The following APPBP2 variants were observed in gnomAD, a reference collection of about 807,000 sequenced individuals.
The protein encoded by APPBP2 is amyloid beta precursor protein binding protein 2.
Under a neutral mutation model 76.0 loss-of-function variants are expected in APPBP2, and 15 were observed. The ratio of observed to expected loss-of-function variants is 0.20; its 90% CI spans 0.13 to 0.30. The LOEUF (loss-of-function observed/expected upper bound fraction) is 0.30. Ranked by LOEUF, APPBP2 falls within the 10% of genes least tolerant of loss-of-function variation. The probability of loss-of-function intolerance (pLI) is 1.00; values close to 1 mark genes in which losing one functional copy is unlikely to be tolerated. For missense variants in APPBP2, 401 were observed against 687.2 expected (o/e 0.58, Z 4.66); for synonymous variants, 222 against 242.2 (o/e 0.92, Z 0.77).
chr17:60,472,757 C>G (rs2090562943), intron 4 of APPBP2, among the ~76,000 whole-genome samples: 1 of 152,176 alleles, frequency 6.6e-6, no homozygotes, highest in African/African-American at 2.4e-5. Context: ...TTAATAACCT[C>G]TATATATTCA....
intron 4 of APPBP2, among the ~76,000 whole-genome samples, chr17:60,473,266 T>C (rs1000494971): frequency 1.3e-5 from 2 of 152,194 alleles, no homozygotes; most frequent in African/African-American, 4.8e-5. Flanking sequence ...ACACAAGGCA[T>C]CAAATGCCCA....
intron 3 of APPBP2, among the ~76,000 whole-genome samples, chr17:60,483,778 C>G (rs565897519): frequency 5.3e-4 from 80 of 152,224 alleles, no homozygotes; most frequent in African/African-American, 1.9e-3. Flanking sequence ...CATTGCTTTT[C>G]GTGTTTTAGA....
At chr17:60,478,713 G>C (rs2090608353) in intron 4 of APPBP2, among the ~76,000 whole-genome samples, 1 of 152,210 alleles carries the variant, frequency 6.6e-6, no homozygotes, top group Non-Finnish European at 1.5e-5. Context: ...CCTGAAGTCA[G>C]GAGTTCGAGA....
chr17:60,475,648 TACACACACACACACACACAC>T (rs72415327), intron 4 of APPBP2, among the ~76,000 whole-genome samples: 2 of 129,264 alleles, frequency 1.5e-5, no homozygotes, highest in African/African-American at 3.0e-5. Flanking sequence ...CAACTCTTTA[TACACACACACACACACACAC>T]ACACACACAC....
chr17:60,515,441 A>G lies in APPBP2; in HGVS notation c.138+10353T>C, dbSNP rs1230977537. ...TATTTTAACATTTTTAAATCAAAGT[A>G]TAACATGCATACAGAAGAGCGCACA... On this transcript the variant is annotated intron_variant, in intron 1 of 12. Transcript: ENST00000083182. 2.0e-5 allele frequency among the ~76,000 whole-genome samples: 3 copies of G among 152,152 alleles called. No individual in the cohort carries two copies. The East Asian group carries it at 5.8e-4, about 29-fold the overall frequency.
At chr17:60,459,101 G>C (rs1270825078) in intron 9 of APPBP2, among the ~76,000 whole-genome samples, 1 of 151,978 alleles carries the variant, frequency 6.6e-6, no homozygotes, top group Admixed American at 6.5e-5. Flanking sequence ...AAAGTTTTCA[G>C]GATTCTAATC....
chr17:60,522,474 C>T (rs1044852599), intron 1 of APPBP2, among the ~76,000 whole-genome samples: 1 of 152,120 alleles, frequency 6.6e-6, no homozygotes, highest in Non-Finnish European at 1.5e-5. Flanking sequence ...CAGGCATGCA[C>T]CACCATGCCT....
chr17:60,448,982 A>G lies in APPBP2; in HGVS notation c.1505-1148T>C, dbSNP rs569840586. Reference sequence around the variant, plus strand: ...AAGATGGATGGGGCAACAATTTAACATGTTAAATAAACCTAATTGTTGTGC... The same window carrying G: ...AAGATGGATGGGGCAACAATTTAACGTGTTAAATAAACCTAATTGTTGTGC... On this transcript the variant is annotated intron_variant, in intron 12 of 12. Transcript: ENST00000083182. 9.2e-5 allele frequency among the ~76,000 whole-genome samples: 14 copies of G among 152,364 alleles called. No homozygotes were observed. In the South Asian group the frequency reaches 1.7e-3, roughly 18 times the overall value.
chr17:60,470,600 A>G (rs1043301379), intron 4 of APPBP2, among the ~76,000 whole-genome samples: 1 of 151,444 alleles, frequency 6.6e-6, no homozygotes, highest in African/African-American at 2.4e-5. Flanking sequence ...AATTTTTAAC[A>G]GAGTTTCGCT....
chr17:60,458,771 T>G lies in APPBP2; in HGVS notation c.1061+1892A>C, dbSNP rs142195784. On this transcript the variant is annotated intron_variant, in intron 9 of 12. Transcript: ENST00000083182. ...AGCATCAACCAAAAAGAAGTTCTGG[T>G]TTTTTTTTTTGTTTTTTTTTTTGAG... is the stretch of plus-strand genomic sequence containing the variant. Among the ~76,000 whole-genome samples the G allele has an allele frequency of 1.2e-3, 172 of 139,322 alleles. 1 individual carries two copies. In the East Asian group the frequency reaches 0.019, roughly 16 times the overall value. 91.4% of individuals were successfully genotyped at this position (139,322 alleles called of 152,430 possible). A position where few individuals can be genotyped will look rare whatever the true frequency, so the allele number is the denominator to read the frequency against.
chr17:60,507,974 T>G (rs2143474443), intron 1 of APPBP2, among the ~76,000 whole-genome samples: 1 of 150,380 alleles, frequency 6.6e-6, no homozygotes, highest in East Asian at 1.9e-4. Flanking sequence ...TTTTTTTCCT[T>G]CTTTTTTTTT....
intron 4 of APPBP2, among the ~76,000 whole-genome samples, chr17:60,476,447 TA>T (rs1425476009): frequency 1.3e-5 from 2 of 152,048 alleles, no homozygotes; most frequent in African/African-American, 2.4e-5. Flanking sequence ...CTCTCTGCCT[TA>T]AAAAAAGGCT....
intron 1 of APPBP2, among the ~76,000 whole-genome samples, chr17:60,501,302 G>C (rs921467905): frequency 4.6e-5 from 7 of 152,084 alleles, no homozygotes; most frequent in Non-Finnish European, 2.9e-5. Context: ...GCCTGGGTGA[G>C]AGTGAGACCC....
At chr17:60,448,676 A>G (rs1302135726) in intron 12 of APPBP2, among the ~76,000 whole-genome samples, 1 of 152,216 alleles carries the variant, frequency 6.6e-6, no homozygotes, top group African/African-American at 2.4e-5. Context: ...CTGATGGTAT[A>G]TTGTTAAGAT....
intron 1 of APPBP2, among the ~76,000 whole-genome samples, chr17:60,514,068 A>G (rs995748332): frequency 1.5e-4 from 23 of 151,672 alleles, no homozygotes; most frequent in African/African-American, 5.3e-4. Context: ...ACATTTTGAA[A>G]GGCTGTGGCA....
intron 9 of APPBP2, among the ~76,000 whole-genome samples, chr17:60,456,784 A>C (rs2090434497): frequency 6.6e-6 from 1 of 152,030 alleles, no homozygotes; most frequent in Admixed American, 6.6e-5. Flanking sequence ...TCCCCTGAAC[A>C]TTCTCACGAC....
chr17:60,486,832 C>T (rs55751080), intron 3 of APPBP2, among the ~76,000 whole-genome samples: 2,294 of 152,204 alleles, frequency 0.015, 49 homozygotes, highest in African/African-American at 0.051. Flanking sequence ...TGGCTGGTAC[C>T]GGTTGTTCCT....
chr17:60,469,324 CAAAAA>C (rs1159684144), intron 4 of APPBP2, among the ~76,000 whole-genome samples: 1 of 53,068 alleles, frequency 1.9e-5, no homozygotes, highest in African/African-American at 5.7e-5. Flanking sequence ...GACTCCATCT[CAAAAA>C]AAAAAAAAAA....
rs1004661096 is a variant in APPBP2, at chr17:60,460,863, A to T, written c.937-76T>A. ...TTAAATTAAACATCCTAGTAATTTA[A>T]ATATATATCTATATGCCTAACACCA... On this transcript the variant is annotated intron_variant, in intron 8 of 12. Coordinates refer to ENST00000083182, the MANE Select transcript of APPBP2 (RefSeq NM_006380.5). 2.3e-5 allele frequency: 33 copies of T among 1,462,306 alleles called. No individual in the cohort carries two copies. The African/African-American group carries it at 4.6e-4, about 20-fold the overall frequency. The allele number at this position is 1,462,306 out of a possible 1,614,324, so 90.6% of individuals were successfully genotyped here. A position where few individuals can be genotyped will look rare whatever the true frequency, so the allele number is the denominator to read the frequency against.
Sources: gnomAD v4.1 joint callset for allele counts (sites outside exome capture counted in the v4.1 genomes callset) on GRCh38, gnomAD v4.1.1 for gene constraint, MANE v1.5 for transcripts, NCBI Gene and HGNC (gene_info 2026-07-23, HGNC 2026-07-21) for gene names.